The following PKHD1L1 variants were observed in gnomAD, a reference collection of about 807,000 sequenced individuals.
PKHD1L1 encodes the protein PKHD1 like 1, also known as fibrocystin-L.
Under a neutral mutation model 462.9 loss-of-function variants are expected in PKHD1L1, and 434 were observed. The ratio of observed to expected loss-of-function variants is 0.94; its 90% CI spans 0.87 to 1.02. The LOEUF (loss-of-function observed/expected upper bound fraction) is 1.02, where lower values mean the gene tolerates loss of function less well. Among genes scored for constraint, PKHD1L1 ranks in the 50% least tolerant of loss-of-function variants. The probability of loss-of-function intolerance (pLI) is 0.00; values close to 1 mark genes in which losing one functional copy is unlikely to be tolerated. For synonymous variants in PKHD1L1, 1,781 were observed against 1,750.0 expected (o/e 1.02, Z -0.44); for missense variants, 5,202 against 5,096.1 (o/e 1.02, Z -0.63).
At chr8:109,485,266 C>T (rs1252708673) in intron 58 of PKHD1L1, 93 bp downstream of exon 58, 7 of 1,162,676 alleles carry the variant, frequency 6.0e-6, no homozygotes, top group Non-Finnish European at 7.1e-6. Context: ...AAACATGTCA[C>T]AAATATGTTA....
chr8:109,535,428 C>T lies in PKHD1L1; in HGVS notation c.*5338C>T, dbSNP rs373801526. Among the ~76,000 whole-genome samples the T allele has an allele frequency of 1.0e-3, 159 of 152,146 alleles. No homozygotes were observed. The highest frequency in any genetic ancestry group is 1.8e-3 in the Non-Finnish European group (124 of 67,992). On this transcript the variant is annotated 3_prime_UTR_variant, in exon 78 of 78. Transcript: ENST00000378402. Reference sequence around the variant, plus strand: ...GTTCAATTTTCAAGTGAAAGTAATCCTTAAAGGATTTAATTTCAAATAAGA... The same window carrying T: ...GTTCAATTTTCAAGTGAAAGTAATCTTTAAAGGATTTAATTTCAAATAAGA...
intron 48 of PKHD1L1, among the ~76,000 whole-genome samples, chr8:109,462,209 A>G (rs1421787731): frequency 1.3e-5 from 2 of 152,044 alleles, no homozygotes; most frequent in Non-Finnish European, 2.9e-5. Context: ...ATCTCCTCCC[A>G]CCTGGACTGC....
In PKHD1L1 at chr8:109,510,952, A is replaced by G. The variant is rs1275183409; in HGVS notation, c.11553+18A>G. ...ATAACAAGGTAGGGCAAGATGTCTT[A>G]AGAGTAATTGCTGTTGATTATTTGC... On this transcript the variant is annotated intron_variant, in intron 71 of 77. Coordinates refer to ENST00000378402, the MANE Select transcript of PKHD1L1 (RefSeq NM_177531.6). 1.9e-6 allele frequency: 3 copies of G among 1,608,524 alleles called. No homozygotes were observed. The African/African-American group carries it at 4.0e-5, about 22-fold the overall frequency.
At chr8:109,527,784 T>A (rs1347419165) in intron 77 of PKHD1L1, among the ~76,000 whole-genome samples, 12 of 152,162 alleles carry the variant, frequency 7.9e-5, no homozygotes, top group Non-Finnish European at 1.5e-5. Context: ...CCACCCCCAA[T>A]CTTCATTACA....
At chr8:109,375,146 C>T (rs533755318) in intron 2 of PKHD1L1, among the ~76,000 whole-genome samples, 3 of 152,286 alleles carry the variant, frequency 2.0e-5, no homozygotes, top group South Asian at 4.1e-4. Context: ...ACCAATTAGA[C>T]GTAGATTTGG....
chr8:109,469,459 C>T (rs1479946901), intron 50 of PKHD1L1, among the ~76,000 whole-genome samples: 2 of 152,048 alleles, frequency 1.3e-5, no homozygotes, highest in Admixed American at 1.3e-4. Flanking sequence ...TCTCTTTCAC[C>T]TTTCTCCTTC....
Position 109,399,998 on chromosome 8 carries a change from C to A in PKHD1L1, c.1013-78C>A, listed in dbSNP as rs140631889. 7.3e-4 allele frequency: 1,039 copies of A among 1,416,812 alleles called. 10 individuals carry two copies. The African/African-American group carries it at 0.013, about 17-fold the overall frequency. The allele number at this position is 1,416,812 out of a possible 1,614,324, so 87.8% of individuals were successfully genotyped here. A position where few individuals can be genotyped will look rare whatever the true frequency, so the allele number is the denominator to read the frequency against. On this transcript the variant is annotated intron_variant, in intron 12 of 77. Coordinates refer to ENST00000378402, the MANE Select transcript of PKHD1L1 (RefSeq NM_177531.6). ...ATGAATTGATATACAAAATCTATAA[C>A]CAACATCCAAATAGAAAGCCATTGA...
At chr8:109,411,769 C>G (rs907429149) in intron 19 of PKHD1L1, among the ~76,000 whole-genome samples, 1 of 152,148 alleles carries the variant, frequency 6.6e-6, no homozygotes, top group Non-Finnish European at 1.5e-5. Context: ...TCTTTAAAGA[C>G]TTAACTCATT....
intron 73 of PKHD1L1, among the ~76,000 whole-genome samples, chr8:109,519,945 T>C (rs1390505484): frequency 1.3e-5 from 2 of 151,944 alleles, no homozygotes; most frequent in Non-Finnish European, 1.5e-5. Context: ...TCTCACTTTA[T>C]GCCACTAGAG....
chr8:109,511,300 C>T (rs1032846012), intron 71 of PKHD1L1, among the ~76,000 whole-genome samples: 2 of 151,292 alleles, frequency 1.3e-5, no homozygotes, highest in Non-Finnish European at 2.9e-5. Flanking sequence ...CCCATTAACC[C>T]GTCATTTAGC....
intron 60 of PKHD1L1, among the ~76,000 whole-genome samples, chr8:109,490,427 C>T (rs896998429): frequency 1.3e-5 from 2 of 151,694 alleles, no homozygotes; most frequent in African/African-American, 4.8e-5. Context: ...ATCTACACCT[C>T]CATCAAAAGT....
chr8:109,512,220 T>G (rs1445834711), intron 71 of PKHD1L1, among the ~76,000 whole-genome samples: 7 of 151,338 alleles, frequency 4.6e-5, no homozygotes, highest in South Asian at 4.2e-4. Context: ...TTTGTCAATT[T>G]TGGCTTTTGT....
rs73309334 is a variant in PKHD1L1, at chr8:109,461,977, C to G, written c.7383+69C>G. 4.1e-3 allele frequency: 6,052 copies of G among 1,490,026 alleles called. 217 individuals are homozygous for G. The African/African-American group carries it at 0.076, about 19-fold the overall frequency. 92.3% of individuals were successfully genotyped at this position (1,490,026 alleles called of 1,614,324 possible). On this transcript the variant is annotated intron_variant, in intron 48 of 77. Coordinates refer to ENST00000378402, the MANE Select transcript of PKHD1L1 (RefSeq NM_177531.6). ...ATCCATACAAGAAATGTGTGTTGAACTCCTGCTGTTTGTCAATGCTACTTA... is the reference window on the plus strand; with the variant it reads ...ATCCATACAAGAAATGTGTGTTGAAGTCCTGCTGTTTGTCAATGCTACTTA...
chr8:109,407,022 C>T (rs766392179), intron 17 of PKHD1L1, among the ~76,000 whole-genome samples: 33 of 151,846 alleles, frequency 2.2e-4, no homozygotes, highest in Non-Finnish European at 1.9e-4. Flanking sequence ...AGCTATTAAC[C>T]GCCTATTAAT....
Position 109,491,139 on chromosome 8 carries a change from G to A in PKHD1L1, c.10114+38G>A, listed in dbSNP as rs375268370. 6 of 1,577,122 alleles carry A rather than the reference G, an allele frequency of 3.8e-6. No homozygotes were observed. In the African/African-American group the frequency reaches 6.8e-5, roughly 18 times the overall value. On this transcript the variant is annotated intron_variant, in intron 61 of 77. Coordinates refer to ENST00000378402, the MANE Select transcript of PKHD1L1 (RefSeq NM_177531.6). ...TATTTTGGTTCAAATTACACATCCT[G>A]TGGAGGCTTTCTTATCTATATACTC...
At chr8:109,464,112 AAATAT>A (rs138148833) in intron 48 of PKHD1L1, 99 bp from the exon 49 acceptor site, 165,537 of 774,508 alleles carry the variant, frequency 0.21, 18,561 homozygotes, top group South Asian at 0.32. Flanking sequence ...TGGAAGAAAT[AAATAT>A]ATTAATAATA....
chr8:109,404,915 G>A, intron 15 of PKHD1L1, 80 bp from the exon 16 acceptor site: 1 of 1,112,898 alleles, frequency 9.0e-7, no homozygotes, highest in East Asian at 2.7e-5. Context: ...CAATAAAGTG[G>A]CATTGAATAG....
chr8:109,383,171 TACAATAA>T (rs1296467547), intron 4 of PKHD1L1, among the ~76,000 whole-genome samples: 4 of 84,212 alleles, frequency 4.7e-5, no homozygotes, highest in African/African-American at 1.7e-4. Flanking sequence ...ATATAATATA[TACAATAA>T]TATATATAAT....
chr8:109,475,271 TA>T lies in PKHD1L1; in HGVS notation c.8757+7del, dbSNP rs778299502. Reference sequence around the variant, plus strand: ...ACATCGACATTCTATGGATTCAAGGTAAAAATATTTATCTTCTAATGATTAT... The same window carrying T: ...ACATCGACATTCTATGGATTCAAGGTAAAATATTTATCTTCTAATGATTAT... On this transcript the variant is annotated splice_donor_region_variant and intron_variant, in intron 51 of 77. Transcript: ENST00000378402. 19 of 1,590,484 alleles carry T rather than the reference TA, an allele frequency of 1.2e-5. No homozygotes were observed. Among genetic ancestry groups the T allele is most frequent in the Non-Finnish European group, 1.6e-5 (19 of 1,164,210 alleles).
Sources: allele counts gnomAD v4.1 joint callset (sites outside exome capture counted in the v4.1 genomes callset), GRCh38; gene constraint gnomAD v4.1.1; transcripts MANE v1.5; gene names NCBI Gene and HGNC (gene_info 2026-07-23, HGNC 2026-07-21).